Variants in KCND2 observed in about 807,000 individuals in gnomAD.
KCND2 encodes the protein potassium voltage-gated channel subfamily D member 2.
In KCND2, 16 loss-of-function variants were observed where a neutral mutation model predicts 54.4. The ratio of observed to expected loss-of-function variants is 0.29; its 90% CI spans 0.20 to 0.45. The LOEUF (loss-of-function observed/expected upper bound fraction) is 0.45, where lower values mean the gene tolerates loss of function less well. KCND2 is among the 20% of genes least tolerant of loss of function. The pLI, the probability that KCND2 is intolerant of heterozygous loss-of-function variation, is 1.00. For synonymous variants in KCND2, 317 were observed against 310.7 expected (o/e 1.02, Z -0.21); for missense variants, 486 against 824.2 (o/e 0.59, Z 5.02).
chr7:120,554,003 A>T (rs752228336), intron 1 of KCND2, among the ~76,000 whole-genome samples: 1 of 152,186 alleles, frequency 6.6e-6, no homozygotes, highest in Non-Finnish European at 1.5e-5. Context: ...AGCAATTCAC[A>T]TCCTCAAGGG....
chr7:120,363,821 C>T (rs1800628879), intron 1 of KCND2, among the ~76,000 whole-genome samples: 1 of 152,104 alleles, frequency 6.6e-6, no homozygotes, highest in Non-Finnish European at 1.5e-5. Flanking sequence ...CCTTATCTTT[C>T]TGTTCCTCTG....
intron 1 of KCND2, among the ~76,000 whole-genome samples, chr7:120,539,400 A>G (rs1331598210): frequency 6.6e-6 from 1 of 152,218 alleles, no homozygotes; most frequent in African/African-American, 2.4e-5. Flanking sequence ...GATTTCTTGC[A>G]AGGATATCAA....
intron 1 of KCND2, among the ~76,000 whole-genome samples, chr7:120,693,269 A>G (rs1023423970): frequency 6.6e-6 from 1 of 152,162 alleles, no homozygotes. Flanking sequence ...GATATTAATA[A>G]TCATACTATT....
At chr7:120,309,651 C>A (rs1448725221) in intron 1 of KCND2, among the ~76,000 whole-genome samples, 1 of 151,634 alleles carries the variant, frequency 6.6e-6, no homozygotes, top group Non-Finnish European at 1.5e-5. Context: ...TCCCCAATAT[C>A]ACCTTATAAG....
At chr7:120,558,952 A>G (rs1038165434) in intron 1 of KCND2, among the ~76,000 whole-genome samples, 3 of 152,038 alleles carry the variant, frequency 2.0e-5, no homozygotes, top group African/African-American at 7.2e-5. Flanking sequence ...ATCTGAGTAT[A>G]TAAAATATTG....
intron 1 of KCND2, among the ~76,000 whole-genome samples, chr7:120,392,744 G>T (rs1291704588): frequency 6.6e-6 from 1 of 151,846 alleles, no homozygotes; most frequent in Non-Finnish European, 1.5e-5. Context: ...GCCATCTCTT[G>T]CTGCCGCCAT....
intron 1 of KCND2, among the ~76,000 whole-genome samples, chr7:120,617,419 T>C (rs1009711134): frequency 1.3e-5 from 2 of 152,042 alleles, no homozygotes; most frequent in African/African-American, 4.8e-5. Context: ...ATTAGAGAAA[T>C]GCAAATCAAA....
At chr7:120,547,502 G>A (rs1190876657) in intron 1 of KCND2, among the ~76,000 whole-genome samples, 2 of 151,896 alleles carry the variant, frequency 1.3e-5, no homozygotes, top group Non-Finnish European at 2.9e-5. Flanking sequence ...TCATAGATAT[G>A]TTTGTTGTGG....
chr7:120,742,607 GGAGACAGCAT>G lies in KCND2; in HGVS notation c.1467+8_1467+17del, dbSNP rs749511034. 17 of 1,610,404 alleles carry G rather than the reference GGAGACAGCAT, an allele frequency of 1.1e-5. No homozygotes were observed. The East Asian group carries it at 3.6e-4, about 34-fold the overall frequency. The stretch of plus-strand genomic sequence containing the variant: ...CACTGCCTGGAAAAAACCACGGTAA[GGAGACAGCAT>G]GACTGCCTTCCCTTGCTCTCTGACA... On this transcript the variant is annotated splice_donor_region_variant and intron_variant, in intron 4 of 5. Transcript: ENST00000331113.
At chr7:120,706,672 G>A (rs1182864364) in intron 1 of KCND2, among the ~76,000 whole-genome samples, 4 of 152,142 alleles carry the variant, frequency 2.6e-5, no homozygotes, top group Admixed American at 6.6e-5. Flanking sequence ...ATAGAAGAGT[G>A]AATATTTGCT....
Position 120,738,905 on chromosome 7 carries a change from A to AAGACCAATT in KCND2, c.1279-2627_1279-2619dup, listed in dbSNP as rs560978616. 3.6e-3 allele frequency among the ~76,000 whole-genome samples: 545 copies of AAGACCAATT among 152,176 alleles called. 16 individuals are homozygous for AAGACCAATT. The highest frequency in any genetic ancestry group is 4.9e-4 in the Non-Finnish European group (33 of 67,958). On this transcript the variant is annotated intron_variant, in intron 2 of 5. Transcript: ENST00000331113. ...ACAGGCATTTGTTGTGGTGCTCCGC[A>AAGACCAATT]AGACCAATTAAACCAATTAACTCCT...
chr7:120,295,046 A>G (rs1333864810), intron 1 of KCND2, among the ~76,000 whole-genome samples: 1 of 151,854 alleles, frequency 6.6e-6, no homozygotes, highest in Non-Finnish European at 1.5e-5. Flanking sequence ...GAAAATACAC[A>G]GTATTTTATT....
At chr7:120,615,848 G>T (rs1013236385) in intron 1 of KCND2, among the ~76,000 whole-genome samples, 3 of 152,186 alleles carry the variant, frequency 2.0e-5, no homozygotes, top group South Asian at 4.1e-4. Flanking sequence ...CTTAATGGTT[G>T]ATCTGAAACT....
At chr7:120,538,350 T>C (rs921514646) in intron 1 of KCND2, among the ~76,000 whole-genome samples, 2 of 152,180 alleles carry the variant, frequency 1.3e-5, no homozygotes, top group Middle Eastern at 3.2e-3. Context: ...ACAGATATGA[T>C]AATAATGAAA....
At chr7:120,500,315 A>G (rs1802913207) in intron 1 of KCND2, among the ~76,000 whole-genome samples, 1 of 152,190 alleles carries the variant, frequency 6.6e-6, no homozygotes, top group Non-Finnish European at 1.5e-5. Flanking sequence ...AATCTTCACC[A>G]ATCATCTTTT....
At chr7:120,277,892 A>G (rs1287050367) in intron 1 of KCND2, among the ~76,000 whole-genome samples, 1 of 151,998 alleles carries the variant, frequency 6.6e-6, no homozygotes, top group Non-Finnish European at 1.5e-5. Context: ...CATGTTTCAT[A>G]GGTAAGTAAG....
At chr7:120,462,331 A>G (rs1170068440) in intron 1 of KCND2, among the ~76,000 whole-genome samples, 1 of 152,078 alleles carries the variant, frequency 6.6e-6, no homozygotes, top group Non-Finnish European at 1.5e-5. Context: ...ATTAATAAAA[A>G]TTGAGTATCA....
At chr7:120,333,104 G>A (rs995801726) in intron 1 of KCND2, among the ~76,000 whole-genome samples, 1 of 152,060 alleles carries the variant, frequency 6.6e-6, no homozygotes, top group Non-Finnish European at 1.5e-5. Context: ...TATGAGTCTG[G>A]AGAACAGAGA....
chr7:120,429,580 T>C (rs1197368941), intron 1 of KCND2, among the ~76,000 whole-genome samples: 1 of 152,086 alleles, frequency 6.6e-6, no homozygotes, highest in Non-Finnish European at 1.5e-5. Flanking sequence ...ATTGTCTCGG[T>C]TGTGAGTTGA....
Sources: allele counts gnomAD v4.1 joint callset (sites outside exome capture counted in the v4.1 genomes callset), GRCh38; gene constraint gnomAD v4.1.1; transcripts MANE v1.5; gene names NCBI Gene and HGNC (gene_info 2026-07-23, HGNC 2026-07-21).